Variants in MLLT10 observed in about 807,000 individuals in gnomAD.
The protein encoded by MLLT10 is protein AF-10.
Under a neutral mutation model 129.1 loss-of-function variants are expected in MLLT10, and 30 were observed. The ratio of observed to expected loss-of-function variants is 0.23; its 90% CI spans 0.17 to 0.32. The LOEUF (loss-of-function observed/expected upper bound fraction) is 0.32. Among genes scored for constraint, MLLT10 ranks in the 10% least tolerant of loss-of-function variants. MLLT10 has a pLI of 1.00. For synonymous variants in MLLT10, 490 were observed against 446.4 expected, an observed-to-expected ratio of 1.10 and a Z score of -1.23; for missense variants, 1,119 against 1,268.3, an observed-to-expected ratio of 0.88 and a Z score of 1.79.
intron 21 of MLLT10, chr10:21,738,408 G>A (rs753441284): frequency 1.6e-6 from 2 of 1,288,810 alleles, no homozygotes; most frequent in South Asian, 2.5e-5. Context: ...ATAATAGCAT[G>A]TGTAGCTGTC....
chr10:21,712,901 C>CT lies in MLLT10; in HGVS notation c.1700-864dup, dbSNP rs532798719. Among the ~76,000 whole-genome samples the CT allele has an allele frequency of 3.1e-3, 472 of 152,252 alleles. 1 individual carries two copies. The highest frequency in any genetic ancestry group is 0.011 in the African/African-American group (457 of 41,548). ...CCTTCTCTATGCTGAGCATGATTTT[C>CT]TTTTTTTAAAAAATAAGCACTTTTA... On this transcript the variant is annotated intron_variant, in intron 13 of 22. Transcript: ENST00000307729.
At chr10:21,585,575 C>G (rs929187680) in intron 3 of MLLT10, among the ~76,000 whole-genome samples, 13 of 152,066 alleles carry the variant, frequency 8.5e-5, no homozygotes, top group African/African-American at 2.9e-4. Context: ...GAAACCAGAC[C>G]TACTTGACGG....
chr10:21,548,248 A>T lies in MLLT10; in HGVS notation c.240+9336A>T, dbSNP rs1459585802. 5.4e-5 allele frequency among the ~76,000 whole-genome samples: 8 copies of T among 148,774 alleles called. 1 individual carries two copies. The highest frequency in any genetic ancestry group is 4.0e-4 in the Admixed American group (6 of 15,024). On this transcript the variant is annotated intron_variant, in intron 3 of 22. Coordinates refer to ENST00000307729, the MANE Select transcript of MLLT10 (RefSeq NM_001195626.3). ...AGTGTCCTTCCATTTTTTATTTTCT[A>T]CTCTGTCTCTTCAAATACTGTAACC... is the stretch of plus-strand genomic sequence containing the variant.
chr10:21,581,117 C>A (rs77464441), intron 3 of MLLT10, among the ~76,000 whole-genome samples: 1 of 149,860 alleles, frequency 6.7e-6, no homozygotes, highest in South Asian at 2.1e-4. Flanking sequence ...ACGATCTCGG[C>A]TCACTGCAAG....
rs537122468 is a variant in MLLT10, at chr10:21,635,527, G to A, written c.700-16146G>A. Among the ~76,000 whole-genome samples the A allele has an allele frequency of 1.9e-4, 29 of 152,004 alleles. No individual in the cohort carries two copies. The South Asian group carries it at 5.4e-3, about 28-fold the overall frequency. On this transcript the variant is annotated intron_variant, in intron 8 of 22. Transcript: ENST00000307729. Reference sequence around the variant, plus strand: ...ATTACAGGTGCATGCCATGTCACCTGGCTAATTTTTGTAGTTTTAGTAGAG... The same window carrying A: ...ATTACAGGTGCATGCCATGTCACCTAGCTAATTTTTGTAGTTTTAGTAGAG...
At chr10:21,734,946 T>A (rs1013154546) in intron 20 of MLLT10, among the ~76,000 whole-genome samples, 193 bp from the exon 21 acceptor site, 1 of 152,232 alleles carries the variant, frequency 6.6e-6, no homozygotes, top group African/African-American at 2.4e-5. Context: ...TGAATTCTTG[T>A]TTAGCTGTAC....
intron 8 of MLLT10, among the ~76,000 whole-genome samples, chr10:21,618,873 C>A (rs527292786): frequency 5.9e-5 from 9 of 152,166 alleles, no homozygotes; most frequent in African/African-American, 2.2e-4. Flanking sequence ...GCTAGGATTA[C>A]AGGCACATGC....
chr10:21,573,808 G>A (rs982159623), intron 3 of MLLT10, among the ~76,000 whole-genome samples: 1 of 152,050 alleles, frequency 6.6e-6, no homozygotes, highest in Non-Finnish European at 1.5e-5. Flanking sequence ...TCCCGCCTTG[G>A]CCTCCGAAAG....
intron 9 of MLLT10, among the ~76,000 whole-genome samples, chr10:21,652,366 C>T (rs2049129330): frequency 1.3e-5 from 2 of 152,098 alleles, no homozygotes; most frequent in African/African-American, 4.8e-5. Flanking sequence ...TGAATTCTGG[C>T]CTTGCCACTT....
intron 3 of MLLT10, among the ~76,000 whole-genome samples, chr10:21,573,925 T>C (rs1340029862): frequency 3.9e-5 from 6 of 152,216 alleles, no homozygotes; most frequent in Admixed American, 2.0e-4. Flanking sequence ...CAACTTTGTA[T>C]GGGAGGGATT....
Position 21,734,004 on chromosome 10 carries a change from C to A in MLLT10, c.2733C>A (p.Gly911=). The A allele has an allele frequency of 6.2e-7, 1 of 1,614,188 alleles. No homozygotes were observed. Among genetic ancestry groups the A allele is most frequent in the Non-Finnish European group, 8.5e-7 (1 of 1,180,030 alleles). ...ALPGNQLAIN[G]IVGALNGVMQ... ...CAGGTAACCAACTGGCAATTAATGG[C>A]ATTGTAGGAGCTTTAAATGGGGTTA... Residue 911 remains glycine, a synonymous_variant, in exon 20 of 23, where the codon GGC becomes GGA. Coordinates refer to ENST00000307729, the MANE Select transcript of MLLT10 (RefSeq NM_001195626.3).
intron 9 of MLLT10, among the ~76,000 whole-genome samples, chr10:21,652,446 A>G (rs1182598811): frequency 6.6e-6 from 1 of 152,228 alleles, no homozygotes; most frequent in Non-Finnish European, 1.5e-5. Flanking sequence ...GGGGGAAATT[A>G]TTAATGAAAT....
intron 8 of MLLT10, among the ~76,000 whole-genome samples, chr10:21,632,701 C>T (rs570110401): frequency 2.6e-4 from 39 of 152,230 alleles, no homozygotes; most frequent in Non-Finnish European, 4.4e-4. Context: ...AACTTTTCTG[C>T]TCCTTTCTAT....
chr10:21,597,392 CAG>C (rs1261823722), intron 5 of MLLT10, among the ~76,000 whole-genome samples: 1 of 151,990 alleles, frequency 6.6e-6, no homozygotes, highest in African/African-American at 2.4e-5. Flanking sequence ...TATTTTTGTA[CAG>C]AGTCTCACTC....
intron 14 of MLLT10, among the ~76,000 whole-genome samples, chr10:21,716,618 T>C (rs145256875): frequency 0.02 from 3,077 of 150,820 alleles, 98 homozygotes; most frequent in African/African-American, 0.07. Context: ...TGCTTGAACA[T>C]GGGAAGTGGA....
chr10:21,739,935 T>C, intron 21 of MLLT10, 95 bp from the exon 22 acceptor site: 1 of 937,346 alleles, frequency 1.1e-6, no homozygotes, highest in Non-Finnish European at 1.6e-6. Flanking sequence ...TTTGCAAATA[T>C]CTAATATTAA....
At chr10:21,638,519 G>T (rs1330974552) in intron 8 of MLLT10, among the ~76,000 whole-genome samples, 3 of 151,970 alleles carry the variant, frequency 2.0e-5, no homozygotes, top group Non-Finnish European at 2.9e-5. Flanking sequence ...TAGTGATCTG[G>T]GTGCCTGTAT....
intron 3 of MLLT10, among the ~76,000 whole-genome samples, chr10:21,550,236 A>G (rs1183508002): frequency 6.6e-6 from 1 of 152,094 alleles, no homozygotes; most frequent in Non-Finnish European, 1.5e-5. Flanking sequence ...TGGGCCCCAT[A>G]CCTTCCCTCA....
intron 8 of MLLT10, among the ~76,000 whole-genome samples, chr10:21,650,801 G>C (rs1044495634): frequency 3.0e-4 from 45 of 151,980 alleles, no homozygotes; most frequent in Admixed American, 2.9e-3. Flanking sequence ...TAGCTCATCA[G>C]TTTTAGCACT....
Sources: allele counts gnomAD v4.1 joint callset (sites outside exome capture counted in the v4.1 genomes callset), GRCh38; gene constraint gnomAD v4.1.1; transcripts MANE v1.5; gene names NCBI Gene and HGNC (gene_info 2026-07-23, HGNC 2026-07-21).